Variants in EPHA6 observed in about 807,000 individuals in gnomAD.
EPHA6 encodes the protein EPH receptor A6.
In EPHA6, 50 loss-of-function variants were observed where a neutral mutation model predicts 112.0. That is an observed-to-expected ratio of 0.45 (90% CI 0.36 to 0.56). The LOEUF (loss-of-function observed/expected upper bound fraction) is 0.56. Ranked by LOEUF, EPHA6 falls within the 20% of genes least tolerant of loss-of-function variation. EPHA6 has a pLI of 0.00. For synonymous variants in EPHA6, 529 were observed against 490.7 expected (o/e 1.08, Z -1.03); for missense variants, 1,280 against 1,417.4 (o/e 0.90, Z 1.56).
chr3:96,975,579 C>A (rs2042489044), intron 2 of EPHA6, among the ~76,000 whole-genome samples: 1 of 152,090 alleles, frequency 6.6e-6, no homozygotes, highest in African/African-American at 2.4e-5. Context: ...AATATAAGTT[C>A]AGTATATAAA....
chr3:97,114,601 C>T (rs2047826039), intron 3 of EPHA6, among the ~76,000 whole-genome samples: 1 of 151,994 alleles, frequency 6.6e-6, no homozygotes, highest in Non-Finnish European at 1.5e-5. Context: ...AGAGGATAAT[C>T]AGTCTCCTAG....
At chr3:97,635,861 A>G (rs2093940497) in intron 13 of EPHA6, among the ~76,000 whole-genome samples, 1 of 152,182 alleles carries the variant, frequency 6.6e-6, no homozygotes, top group Non-Finnish European at 1.5e-5. Flanking sequence ...CACACTCGGC[A>G]TAGATAGAAC....
intron 5 of EPHA6, among the ~76,000 whole-genome samples, chr3:97,336,836 T>A (rs903578278): frequency 6.6e-6 from 1 of 151,904 alleles, no homozygotes; most frequent in Non-Finnish European, 1.5e-5. Flanking sequence ...GAATCATGTT[T>A]TTCATTGTCA....
At chr3:97,122,561 A>G (rs1011688717) in intron 3 of EPHA6, among the ~76,000 whole-genome samples, 1 of 152,088 alleles carries the variant, frequency 6.6e-6, no homozygotes, top group African/African-American at 2.4e-5. Flanking sequence ...TCTCTGGGCC[A>G]ATAAAGTTCT....
chr3:97,539,067 C>CTTT, intron 11 of EPHA6, among the ~76,000 whole-genome samples: 1 of 47,074 alleles, frequency 2.1e-5, no homozygotes, highest in Admixed American at 2.5e-4. Context: ...CTCTTTCTTC[C>CTTT]CTTCCTTCCT....
At chr3:97,680,794 T>C (rs1306168028) in intron 14 of EPHA6, among the ~76,000 whole-genome samples, 1 of 152,192 alleles carries the variant, frequency 6.6e-6, no homozygotes, top group Non-Finnish European at 1.5e-5. Flanking sequence ...TCTTTGCCAT[T>C]CAAATATTTA....
chr3:96,888,075 C>T (rs2318065), intron 2 of EPHA6, among the ~76,000 whole-genome samples: 11,654 of 152,054 alleles, frequency 0.077, 835 homozygotes, highest in Admixed American at 0.21. Flanking sequence ...GTCTGCACAC[C>T]GGATTTGCAC....
At chr3:97,634,570 C>T (rs1198032920) in intron 13 of EPHA6, among the ~76,000 whole-genome samples, 3 of 152,032 alleles carry the variant, frequency 2.0e-5, no homozygotes, top group Admixed American at 6.6e-5. Flanking sequence ...CCTATAGCTT[C>T]CAGAGTTTTG....
At chr3:97,580,934 C>T (rs754775073) in intron 11 of EPHA6, among the ~76,000 whole-genome samples, 4 of 152,130 alleles carry the variant, frequency 2.6e-5, no homozygotes, top group Admixed American at 1.3e-4. Flanking sequence ...TACTTTGCTT[C>T]GAGGCCATAG....
chr3:96,823,054 G>T (rs1024251260), intron 1 of EPHA6, among the ~76,000 whole-genome samples: 2 of 151,614 alleles, frequency 1.3e-5, no homozygotes, highest in Admixed American at 6.6e-5. Context: ...AAGAAAAATT[G>T]ATATGATTGC....
intron 3 of EPHA6, among the ~76,000 whole-genome samples, chr3:97,141,842 A>C (rs1440316328): frequency 1.3e-5 from 2 of 150,876 alleles, no homozygotes; most frequent in African/African-American, 2.4e-5. Context: ...GAGCACAAAT[A>C]AATGAGATTG....
chr3:97,333,433 G>A (rs1452168770), intron 5 of EPHA6, among the ~76,000 whole-genome samples: 1 of 131,456 alleles, frequency 7.6e-6, no homozygotes, highest in African/African-American at 2.9e-5. Context: ...ACCAGAAAGA[G>A]TTTTATTTCT....
At chr3:97,189,011 G>A (rs557035393) in intron 3 of EPHA6, among the ~76,000 whole-genome samples, 6 of 151,606 alleles carry the variant, frequency 4.0e-5, no homozygotes, top group East Asian at 1.9e-4. Flanking sequence ...TTATCTTTAC[G>A]ATAAAAATTG....
chr3:97,428,888 A>G (rs1003656559), intron 6 of EPHA6, among the ~76,000 whole-genome samples: 2 of 152,162 alleles, frequency 1.3e-5, no homozygotes, highest in Admixed American at 1.3e-4. Flanking sequence ...TTGCAGTGCC[A>G]TCAGAGACAT....
chr3:97,168,218 G>A (rs1050987110), intron 3 of EPHA6, among the ~76,000 whole-genome samples: 1 of 152,104 alleles, frequency 6.6e-6, no homozygotes, highest in Non-Finnish European at 1.5e-5. Flanking sequence ...AATGTTATTT[G>A]TAAATTCTGA....
At chr3:97,186,066 G>A (rs534170208) in intron 3 of EPHA6, among the ~76,000 whole-genome samples, 18 of 118,766 alleles carry the variant, frequency 1.5e-4, no homozygotes, top group Admixed American at 3.2e-4. Flanking sequence ...CTGTTGTGGG[G>A]TCGGGGGAGG....
intron 5 of EPHA6, among the ~76,000 whole-genome samples, chr3:97,359,475 A>T (rs920401038): frequency 3.0e-5 from 4 of 135,330 alleles, no homozygotes; most frequent in East Asian, 2.3e-4. Context: ...AATTCTCTAT[A>T]CTTTCTTTTA....
At chr3:96,883,019 A>G (rs1559798508) in intron 2 of EPHA6, among the ~76,000 whole-genome samples, 3 of 152,188 alleles carry the variant, frequency 2.0e-5, no homozygotes, top group South Asian at 4.1e-4. Flanking sequence ...TTCCATAGCA[A>G]TTGTACTAGT....
At chr3:97,313,290 G>A (rs2081646957) in intron 5 of EPHA6, among the ~76,000 whole-genome samples, 1 of 151,304 alleles carries the variant, frequency 6.6e-6, no homozygotes, top group Non-Finnish European at 1.5e-5. Context: ...CCATTCATCT[G>A]TTGATGGATA....
Sources: gnomAD v4.1 joint callset for allele counts (sites outside exome capture counted in the v4.1 genomes callset) on GRCh38, gnomAD v4.1.1 for gene constraint, MANE v1.5 for transcripts, NCBI Gene and HGNC (gene_info 2026-07-23, HGNC 2026-07-21) for gene names.